Variants in NUAK1 observed in about 807,000 individuals in gnomAD.
The protein encoded by NUAK1 is NUAK family kinase 1.
Under a neutral mutation model 56.9 loss-of-function variants are expected in NUAK1, and 26 were observed. The observed-to-expected ratio is 0.46, with a 90% CI of 0.33 to 0.63. NUAK1 has a LOEUF of 0.63. NUAK1 is among the 30% of genes least tolerant of loss of function. NUAK1 has a pLI of 0.02. For missense variants in NUAK1, 727 were observed against 876.1 expected (o/e 0.83, Z 2.15); for synonymous variants, 337 against 336.0 (o/e 1.00, Z -0.03).
rs569823624 is a variant in NUAK1, at chr12:106,083,794, A to G, written c.579+70T>C. The G allele has an allele frequency of 4.0e-5, 54 of 1,362,698 alleles. No homozygotes were observed. The East Asian group carries it at 1.2e-3, about 31-fold the overall frequency. 84.4% of individuals were successfully genotyped at this position (1,362,698 alleles called of 1,614,324 possible). On this transcript the variant is annotated intron_variant, in intron 4 of 6. Coordinates refer to ENST00000261402, the MANE Select transcript of NUAK1 (RefSeq NM_014840.3). ...GCCTTATTTCCAGGCTGCGGCTTGG[A>G]GCAGGTTAAGCCTCCATCCGGCTGC...
intron 1 of NUAK1, among the ~76,000 whole-genome samples, chr12:106,116,089 C>A (rs117694934): frequency 6.6e-6 from 1 of 152,166 alleles, no homozygotes; most frequent in Admixed American, 6.5e-5. Flanking sequence ...TTCATTTGCA[C>A]GAAAATCATT....
chr12:106,136,769 A>T (rs1272272875), intron 1 of NUAK1, among the ~76,000 whole-genome samples: 3 of 152,198 alleles, frequency 2.0e-5, no homozygotes, highest in Non-Finnish European at 4.4e-5. Flanking sequence ...TTAAGACAAC[A>T]TGAGCAGGGA....
intron 1 of NUAK1, among the ~76,000 whole-genome samples, chr12:106,128,751 C>T (rs1214855122): frequency 1.3e-5 from 2 of 152,212 alleles, no homozygotes; most frequent in African/African-American, 4.8e-5. Flanking sequence ...CACCATTCCC[C>T]GCCCTTCCAG....
chr12:106,098,824 C>T (rs776103519), intron 2 of NUAK1, among the ~76,000 whole-genome samples: 3 of 152,148 alleles, frequency 2.0e-5, no homozygotes, highest in Non-Finnish European at 4.4e-5. Context: ...GTTTGAACTT[C>T]GGTCCTGAAA....
At chr12:106,095,885 G>A (rs2032691554) in intron 2 of NUAK1, among the ~76,000 whole-genome samples, 1 of 152,112 alleles carries the variant, frequency 6.6e-6, no homozygotes, top group African/African-American at 2.4e-5. Context: ...GTCAATCTCT[G>A]AGCCATACCT....
intron 2 of NUAK1, among the ~76,000 whole-genome samples, chr12:106,097,868 G>C (rs958547035): frequency 6.6e-6 from 1 of 152,126 alleles, no homozygotes; most frequent in Non-Finnish European, 1.5e-5. Context: ...CTGCTCAAAT[G>C]CATTATTAAG....
Position 106,067,408 on chromosome 12 carries a change from G to A in NUAK1, c.1380C>T (p.Ala460=). The change falls in exon 7 of 7, where the codon GCC becomes GCT. Residue 460 remains alanine, a synonymous_variant. Coordinates refer to ENST00000261402, the MANE Select transcript of NUAK1 (RefSeq NM_014840.3). This position sits in a 1 kb window ranked among gnomAD's most constrained non-coding sequence, Gnocchi z 6.0. ...VPGKLSPKQS[A]TMPKKGILKK... is the part of the protein sequence containing the mutation. ...TCAAGATGCCTTTCTTGGGCATCGT[G>A]GCCGACTGCTTGGGGCTGAGTTTTC... The A allele has an allele frequency of 6.2e-7, 1 of 1,614,208 alleles. No individual in the cohort carries two copies. Among genetic ancestry groups the A allele is most frequent in the Non-Finnish European group, 8.5e-7 (1 of 1,180,044 alleles).
At chr12:106,070,698 A>T in intron 6 of NUAK1, 76 bp downstream of exon 6, 2 of 1,578,666 alleles carry the variant, frequency 1.3e-6, no homozygotes, top group South Asian at 2.2e-5. Context: ...ATACTAAAAC[A>T]AAAGCAGAAA....
intron 1 of NUAK1, among the ~76,000 whole-genome samples, chr12:106,109,918 CCTTT>C (rs529913938): frequency 3.7e-4 from 57 of 152,280 alleles, no homozygotes; most frequent in African/African-American, 1.3e-3. Context: ...TTCCCTTCTT[CCTTT>C]CTTTTTCAGA....
intron 3 of NUAK1, 180 bp from the exon 4 acceptor site, chr12:106,084,109 G>GCGAC: frequency 3.3e-6 from 2 of 597,742 alleles, no homozygotes; most frequent in East Asian, 2.8e-5. Context: ...TCCCCCGCCA[G>GCGAC]CGACCAACCA....
chr12:106,098,894 C>T (rs2032721368), intron 2 of NUAK1, among the ~76,000 whole-genome samples: 1 of 152,194 alleles, frequency 6.6e-6, no homozygotes, highest in Non-Finnish European at 1.5e-5. Context: ...CAGTTGAAAG[C>T]TCCAGTGGGC....
At chr12:106,131,217 TA>T (rs1486469030) in intron 1 of NUAK1, among the ~76,000 whole-genome samples, 7 of 152,154 alleles carry the variant, frequency 4.6e-5, no homozygotes, top group African/African-American at 1.7e-4. Flanking sequence ...ACATATCATA[TA>T]ATTCACCCAT....
intron 2 of NUAK1, chr12:106,103,421 TTCC>T: frequency 3.1e-5 from 1 of 31,824 alleles, no homozygotes; most frequent in African/African-American, 3.4e-4. Flanking sequence ...CGAAACTCAC[TTCC>T]ACTTCCACAT....
intron 1 of NUAK1, among the ~76,000 whole-genome samples, chr12:106,120,395 C>A (rs1030477342): frequency 6.6e-6 from 1 of 152,178 alleles, no homozygotes; most frequent in African/African-American, 2.4e-5. Context: ...TCCAAAAATG[C>A]TGGCTGTTCT....
At chr12:106,085,563 G>T (rs928975464) in intron 3 of NUAK1, among the ~76,000 whole-genome samples, 2 of 152,212 alleles carry the variant, frequency 1.3e-5, no homozygotes, top group Non-Finnish European at 2.9e-5. Context: ...GGGTGTGACA[G>T]ATCTGGAGAA....
chr12:106,093,677 G>A (rs1339567645), intron 2 of NUAK1, among the ~76,000 whole-genome samples: 3 of 152,248 alleles, frequency 2.0e-5, no homozygotes, highest in Non-Finnish European at 4.4e-5. Flanking sequence ...TTGGAAGAAA[G>A]AAGCCTGGAA....
At chr12:106,129,457 T>C (rs1018114633) in intron 1 of NUAK1, among the ~76,000 whole-genome samples, 3 of 152,150 alleles carry the variant, frequency 2.0e-5, no homozygotes, top group Non-Finnish European at 4.4e-5. Context: ...GCCTTTCTAA[T>C]AGACAAGGAA....
intron 1 of NUAK1, among the ~76,000 whole-genome samples, chr12:106,121,388 C>T (rs527426986): frequency 6.6e-6 from 1 of 152,258 alleles, no homozygotes; most frequent in African/African-American, 2.4e-5. Context: ...TCAAGGTTCT[C>T]CCACGTGGGT....
intron 2 of NUAK1, among the ~76,000 whole-genome samples, chr12:106,089,568 G>C (rs2032614326): frequency 6.6e-6 from 1 of 152,186 alleles, no homozygotes; most frequent in African/African-American, 2.4e-5. Context: ...GAAGCAGGTG[G>C]ATCACTTGAG....
Sources: gnomAD v4.1 joint callset for allele counts (sites outside exome capture counted in the v4.1 genomes callset) on GRCh38, gnomAD v4.1.1 for gene constraint, Gnocchi (gnomAD v3.1) non-coding constraint, MANE v1.5 for transcripts, NCBI Gene and HGNC (gene_info 2026-07-23, HGNC 2026-07-21) for gene names.